LST1: variants seen among roughly 807,000 people sequenced by gnomAD.
LST1 encodes leukocyte specific transcript 1, also known as leukocyte-specific transcript 1 protein.
LST1 carries 9 observed loss-of-function variants against 8.5 expected under a neutral mutation model. The observed-to-expected ratio is 1.06, with a 90% confidence interval of 0.64 to 1.85. LST1 has a LOEUF of 1.85. Ranked by LOEUF, LST1 falls within the 40% of genes most tolerant of loss-of-function variation. LST1 has a pLI of 0.00. For synonymous variants in LST1, 53 were observed against 50.4 expected, an observed-to-expected ratio of 1.05 and a Z score of -0.21; for missense variants, 121 against 117.1, an observed-to-expected ratio of 1.03 and a Z score of -0.16.
Position 31,587,197 on chromosome 6 carries a change from C to A in LST1, c.-100-3C>A. 1 of 788,046 alleles carries A rather than the reference C, an allele frequency of 1.3e-6. No individual in the cohort carries two copies. Among genetic ancestry groups the A allele is most frequent in the South Asian group, 1.4e-5 (1 of 70,216 alleles). 48.8% of individuals were successfully genotyped at this position (788,046 alleles called of 1,614,324 possible). ...TTATAACAGAGGGCCCCTCACTTCACAGATGAGGAACTTGAGGCAAGTCAC... is the reference window on the plus strand; with the variant it reads ...TTATAACAGAGGGCCCCTCACTTCAAAGATGAGGAACTTGAGGCAAGTCAC... On this transcript the variant is annotated splice_region_variant and splice_polypyrimidine_tract_variant and intron_variant, in intron 1 of 4. Coordinates refer to ENST00000438075, the MANE Select transcript of LST1 (RefSeq NM_205839.3).
In LST1 at chr6:31,587,625, G is replaced by A; in HGVS notation, c.20-16G>A. The A allele has an allele frequency of 2.6e-6, 4 of 1,525,002 alleles. No individual in the cohort carries two copies. The South Asian group carries it at 4.7e-5, about 18-fold the overall frequency. The allele number at this position is 1,525,002 out of a possible 1,614,324, so 94.5% of individuals were successfully genotyped here. ...GAAGGAATGGGCTTCCTAACCTTGAGCCCTCTTCCCTGAAGATATATGTAT... is the reference window on the plus strand; with the variant it reads ...GAAGGAATGGGCTTCCTAACCTTGAACCCTCTTCCCTGAAGATATATGTAT... On this transcript the variant is annotated splice_polypyrimidine_tract_variant and intron_variant, in intron 2 of 4. Coordinates refer to ENST00000438075, the MANE Select transcript of LST1 (RefSeq NM_205839.3).
At chr6:31,588,421 A>AGG in intron 4 of LST1, 97 bp from the exon 5 acceptor site, 1 of 1,271,762 alleles carries the variant, frequency 7.9e-7, no homozygotes, top group Non-Finnish European at 1.1e-6. Context: ...AGAGAGAGAG[A>AGG]GGGAGAGAAG....
intron 3 of LST1, 35 bp downstream of exon 3, chr6:31,587,768 G>C: frequency 6.7e-7 from 1 of 1,487,438 alleles, no homozygotes; most frequent in Non-Finnish European, 9.1e-7. Context: ...CCCTGCAGCA[G>C]TGCCCCCTGT....
intron 4 of LST1, 93 bp from the exon 5 acceptor site, chr6:31,588,423 GGA>G: frequency 8.9e-6 from 10 of 1,118,300 alleles, no homozygotes; most frequent in Non-Finnish European, 1.3e-5. Flanking sequence ...AGAGAGAGAG[GGA>G]GAGAAGTAAG....
chr6:31,587,676 C>T lies in LST1; in HGVS notation c.55C>T (p.Leu19Phe). ...CTACGGGGGCCTGGGGCTGGGCGGGCTCCTGCTTCTGGCAGTGGTCCTTCT... is the reference window on the plus strand; with the variant it reads ...CTACGGGGGCCTGGGGCTGGGCGGGTTCCTGCTTCTGGCAGTGGTCCTTCT... ...CIYGGLGLGGLLLLAVVLLSA... is the reference protein window; with the variant it reads ...CIYGGLGLGGFLLLAVVLLSA... The change falls in exon 3 of 5, where the codon CTC becomes TTC. Residue 19 changes from leucine (L) to phenylalanine (F), a missense_variant. Transcript: ENST00000438075. 5.6e-6 allele frequency: 9 copies of T among 1,603,268 alleles called. No individual in the cohort carries two copies. Among genetic ancestry groups the T allele is most frequent in the Non-Finnish European group, 6.8e-6 (8 of 1,176,064 alleles).
At chr6:31,588,425 A>C (rs1772253257) in intron 4 of LST1, 93 bp from the exon 5 acceptor site, 2 of 1,314,730 alleles carry the variant, frequency 1.5e-6, no homozygotes, top group Non-Finnish European at 2.1e-6. Flanking sequence ...AGAGAGAGGG[A>C]GAGAAGTAAG....
chr6:31,588,825 G>A lies in LST1; in HGVS notation c.*149G>A, dbSNP rs1055601862. On this transcript the variant is annotated 3_prime_UTR_variant, in exon 5 of 5. Coordinates refer to ENST00000438075, the MANE Select transcript of LST1 (RefSeq NM_205839.3). ...CAAATTGATCATCATCAAAACTTAT[G>A]TGGCTTTTTGACCTTTGAATAGGGA... 19 of 980,394 alleles carry A rather than the reference G, an allele frequency of 1.9e-5. No individual in the cohort carries two copies. Among genetic ancestry groups the A allele is most frequent in the Non-Finnish European group, 2.6e-5 (17 of 641,688 alleles). The allele number at this position is 980,394 out of a possible 1,614,324, so 60.7% of individuals were successfully genotyped here. A position where few individuals can be genotyped will look rare whatever the true frequency, so the allele number is the denominator to read the frequency against.
intron 4 of LST1, 170 bp downstream of exon 4, chr6:31,588,136 G>T: frequency 1.5e-6 from 1 of 651,198 alleles, no homozygotes; most frequent in Non-Finnish European, 2.5e-6. Flanking sequence ...GAGAAAATGA[G>T]ACAGAAACCA....
rs376079027 is a variant in LST1 at position 31,587,259 on chromosome 6, A to C, written c.-41A>C. On this transcript the variant is annotated 5_prime_UTR_variant, in exon 2 of 5. Coordinates refer to ENST00000438075, the MANE Select transcript of LST1 (RefSeq NM_205839.3). The stretch of plus-strand genomic sequence containing the variant: ...CATTTCGCCTAAAAGAGCAAGGACT[A>C]GAGTTCCTGACCTCCAGGCCAGTCC... 2 of 1,394,450 alleles carry C rather than the reference A, an allele frequency of 1.4e-6. No individual in the cohort carries two copies. The highest frequency in any genetic ancestry group is 2.8e-5 in the African/African-American group (2 of 70,704). 86.4% of individuals were successfully genotyped at this position (1,394,450 alleles called of 1,614,324 possible). A position where few individuals can be genotyped will look rare whatever the true frequency, so the allele number is the denominator to read the frequency against.
intron 4 of LST1, 160 bp downstream of exon 4, chr6:31,588,126 G>A (rs1376890859): frequency 1.5e-6 from 1 of 688,310 alleles, no homozygotes; most frequent in African/African-American, 1.8e-5. Context: ...AAAAGAGAAA[G>A]AGAAAATGAG....
chr6:31,588,418 G>T, intron 4 of LST1, 100 bp from the exon 5 acceptor site: 2 of 1,268,100 alleles, frequency 1.6e-6, no homozygotes, highest in South Asian at 2.7e-5. Context: ...GAGAGAGAGA[G>T]AGAGGGAGAG....
At chr6:31,588,374 A>AAGAGAGAGAGAGAGAGAG (rs9279359) in intron 4 of LST1, 144 bp from the exon 5 acceptor site, 6 of 627,246 alleles carry the variant, frequency 9.6e-6, no homozygotes, top group East Asian at 3.1e-5. Context: ...CCAAAGAAAA[A>AAGAGAGAGAGAGAGAGAG]AGAGAGAGAG....
rs1156872371 is a variant in LST1 at position 31,586,311 on chromosome 6, T to G, written c.-105T>G. 6.6e-6 allele frequency: 1 copy of G among 152,056 alleles called. No homozygotes were observed. Among genetic ancestry groups the G allele is most frequent in the African/African-American group, 2.4e-5 (1 of 41,338 alleles). 9.4% of individuals were successfully genotyped at this position (152,056 alleles called of 1,614,324 possible). A position where few individuals can be genotyped will look rare whatever the true frequency, so the allele number is the denominator to read the frequency against. ...TCTGTCCATCCTGCAGGCCACAAGC[T>G]CTGGGTAAGCTGGGAATGGGCAGGG... On this transcript the variant is annotated 5_prime_UTR_variant, in exon 1 of 5. Coordinates refer to ENST00000438075, the MANE Select transcript of LST1 (RefSeq NM_205839.3).
At position 31,588,638 on chromosome 6, in the gene LST1, G is replaced by A; in HGVS notation, c.256G>A (p.Ala86Thr). Residue 86 changes from alanine to threonine, a missense_variant, in exon 5 of 5, where the codon GCT (alanine) becomes ACT (threonine). Coordinates refer to ENST00000438075, the MANE Select transcript of LST1 (RefSeq NM_205839.3). ...GAGAGGCACCAAGGAGGATCCAAGA[G>A]CTGACTATGCCTGCATTGCTGAGAA... The part of the protein sequence containing the change: ...DKRGTKEDPR[A>T]DYACIAENKP... 1.2e-6 allele frequency: 2 copies of A among 1,613,154 alleles called. No individual in the cohort carries two copies. The highest frequency in any genetic ancestry group is 1.7e-6 in the Non-Finnish European group (2 of 1,180,030).
At chr6:31,587,885 G>C in intron 3 of LST1, 59 bp from the exon 4 acceptor site, 4 of 1,581,026 alleles carry the variant, frequency 2.5e-6, no homozygotes, top group Non-Finnish European at 3.4e-6. Flanking sequence ...GGGGGAGCCC[G>C]GGAGGGCCCG....
In LST1 at chr6:31,588,403, G is replaced by GAGAGAGGGAGA. The variant is rs1562499302; in HGVS notation, c.136-115_136-114insAGAGAGGGAGA. On this transcript the variant is annotated intron_variant, in intron 4 of 4. Transcript: ENST00000438075. ...GAGAGAGAGAGAGAGAGAGAGAGAG[G>GAGAGAGGGAGA]GAGAGAGAGAGAGAGAGAGGGAGAG... 3 of 541,694 alleles carry GAGAGAGGGAGA rather than the reference G, an allele frequency of 5.5e-6. No homozygotes were observed. The East Asian group carries it at 9.8e-5, about 18-fold the overall frequency. 33.6% of individuals were successfully genotyped at this position (541,694 alleles called of 1,614,324 possible). A position where few individuals can be genotyped will look rare whatever the true frequency, so the allele number is the denominator to read the frequency against.
In LST1 at chr6:31,588,647, G is replaced by T. The variant is rs367776706; in HGVS notation, c.265G>T (p.Ala89Ser). 2.5e-6 allele frequency: 4 copies of T among 1,613,166 alleles called. No homozygotes were observed. Among genetic ancestry groups the T allele is most frequent in the East Asian group, 2.2e-5 (1 of 44,882 alleles). ...CAAGGAGGATCCAAGAGCTGACTAT[G>T]CCTGCATTGCTGAGAACAAACCCAC... The part of the protein sequence containing the change: ...GTKEDPRADY[A>S]CIAENKPT The change falls in exon 5 of 5, where the codon GCC becomes TCC. Residue 89 changes from alanine to serine, a missense_variant. Coordinates refer to ENST00000438075, the MANE Select transcript of LST1 (RefSeq NM_205839.3).
intron 4 of LST1, 124 bp downstream of exon 4, chr6:31,588,090 A>T (rs1200135594): frequency 4.0e-6 from 4 of 995,258 alleles, no homozygotes; most frequent in South Asian, 1.8e-5. Context: ...AAGTAGGAGC[A>T]TGAGAGAGGC....
Position 31,588,404 on chromosome 6 carries a change from G to GA in LST1, c.136-113dup, listed in dbSNP as rs1491559919. On this transcript the variant is annotated intron_variant, in intron 4 of 4. Coordinates refer to ENST00000438075, the MANE Select transcript of LST1 (RefSeq NM_205839.3). Reference sequence around the variant, plus strand: ...AGAGAGAGAGAGAGAGAGAGAGAGGGAGAGAGAGAGAGAGAGAGGGAGAGA... The same window carrying GA: ...AGAGAGAGAGAGAGAGAGAGAGAGGGAAGAGAGAGAGAGAGAGAGGGAGAGA... 73 of 687,476 alleles carry GA rather than the reference G, an allele frequency of 1.1e-4. No homozygotes were observed. The African/African-American group carries it at 1.3e-3, about 12-fold the overall frequency. 42.6% of individuals were successfully genotyped at this position (687,476 alleles called of 1,614,324 possible).
Sources: gnomAD v4.1 joint callset for allele counts on GRCh38, gnomAD v4.1.1 for gene constraint, MANE v1.5 for transcripts, NCBI Gene and HGNC (gene_info 2026-07-23, HGNC 2026-07-21) for gene names.